MSRA: variants seen among roughly 807,000 people sequenced by gnomAD.
The protein encoded by MSRA is methionine sulfoxide reductase A, also known as mitochondrial peptide methionine sulfoxide reductase.
In MSRA, 54 loss-of-function variants were observed where a neutral mutation model predicts 31.3. The ratio of observed to expected loss-of-function variants is 1.73; its 90% CI spans 1.39 to 2.17. The LOEUF (loss-of-function observed/expected upper bound fraction) is 2.17. Ranked by LOEUF, MSRA falls within the 30% of genes most tolerant of loss-of-function variation. The pLI is 0.00. For missense variants in MSRA, 507 were observed against 300.9 expected, an observed-to-expected ratio of 1.69 and a Z score of -5.07; for synonymous variants, 169 against 116.5, an observed-to-expected ratio of 1.45 and a Z score of -2.90.
intron 5 of MSRA, among the ~76,000 whole-genome samples, chr8:10,335,241 C>A (rs1802959914): frequency 6.7e-6 from 1 of 148,944 alleles, no homozygotes; most frequent in African/African-American, 2.5e-5. Flanking sequence ...CTTAACACCT[C>A]CCAGCTCTGT....
intron 2 of MSRA, among the ~76,000 whole-genome samples, chr8:10,213,075 A>G (rs531782272): frequency 1.3e-5 from 2 of 152,306 alleles, no homozygotes; most frequent in African/African-American, 4.8e-5. Context: ...TAAATATACA[A>G]TTAAATTACT....
chr8:10,117,904 C>A (rs879278104), intron 1 of MSRA, among the ~76,000 whole-genome samples: 1 of 152,182 alleles, frequency 6.6e-6, no homozygotes, highest in Non-Finnish European at 1.5e-5. Flanking sequence ...TTGCCCAAAT[C>A]AACACAAATG....
intron 3 of MSRA, among the ~76,000 whole-genome samples, chr8:10,248,800 C>G (rs1797765702): frequency 1.3e-5 from 2 of 152,232 alleles, no homozygotes. Flanking sequence ...GTCTCCATTG[C>G]TTGGTGCCAC....
In MSRA at chr8:10,280,583, G is replaced by A. The variant is rs148987375; in HGVS notation, c.332-20951G>A. Among the ~76,000 whole-genome samples the A allele has an allele frequency of 1.5e-3, 229 of 152,266 alleles. 1 individual carries two copies. Among genetic ancestry groups the A allele is most frequent in the African/African-American group, 5.1e-3 (214 of 41,560 alleles). Reference sequence around the variant, plus strand: ...ACACTGCTGGTATGAAGGGAAAATCGTGTAGTCACTTTGGAAACCAGTGTG... The same window carrying A: ...ACACTGCTGGTATGAAGGGAAAATCATGTAGTCACTTTGGAAACCAGTGTG... On this transcript the variant is annotated intron_variant, in intron 3 of 5. Coordinates refer to ENST00000317173, the MANE Select transcript of MSRA (RefSeq NM_012331.5).
intron 5 of MSRA, among the ~76,000 whole-genome samples, chr8:10,390,813 A>C (rs1806694904): frequency 6.6e-6 from 1 of 152,082 alleles, no homozygotes; most frequent in South Asian, 2.1e-4. Context: ...GTCTCTACTA[A>C]AAATAAAAAA....
At chr8:10,218,681 C>G (rs1485008383) in intron 2 of MSRA, among the ~76,000 whole-genome samples, 6 of 152,224 alleles carry the variant, frequency 3.9e-5, no homozygotes, top group African/African-American at 1.2e-4. Flanking sequence ...CTCCATGTAT[C>G]TGAGCATGGC....
At chr8:10,161,871 C>T (rs960967273) in intron 1 of MSRA, among the ~76,000 whole-genome samples, 3 of 152,252 alleles carry the variant, frequency 2.0e-5, no homozygotes, top group East Asian at 1.9e-4. Context: ...CCCCATCTCT[C>T]CCCGCCTCTG....
At chr8:10,132,542 C>T (rs552622321) in intron 1 of MSRA, among the ~76,000 whole-genome samples, 1 of 152,278 alleles carries the variant, frequency 6.6e-6, no homozygotes, top group South Asian at 2.1e-4. Context: ...GATCAAGGCA[C>T]TGGCAGATTT....
At chr8:10,375,173 A>G (rs1049585779) in intron 5 of MSRA, among the ~76,000 whole-genome samples, 1 of 152,142 alleles carries the variant, frequency 6.6e-6, no homozygotes, top group African/African-American at 2.4e-5. Flanking sequence ...ACAGCCACAA[A>G]TCTGCTCCCC....
At chr8:10,173,544 C>G (rs1000291057) in intron 1 of MSRA, among the ~76,000 whole-genome samples, 1 of 152,190 alleles carries the variant, frequency 6.6e-6, no homozygotes, top group African/African-American at 2.4e-5. Flanking sequence ...TAGGCATTGC[C>G]CATAAATCGA....
At chr8:10,330,583 G>T (rs1352057567) in intron 5 of MSRA, among the ~76,000 whole-genome samples, 1 of 152,164 alleles carries the variant, frequency 6.6e-6, no homozygotes, top group African/African-American at 2.4e-5. Flanking sequence ...AGCTATCTGA[G>T]GCAAAGTCTT....
intron 2 of MSRA, among the ~76,000 whole-genome samples, chr8:10,229,271 C>A (rs931021316): frequency 9.2e-5 from 14 of 152,058 alleles, no homozygotes; most frequent in African/African-American, 3.1e-4. Context: ...TATATGAAGA[C>A]GCATTAAGCT....
chr8:10,124,255 A>G (rs937012667), intron 1 of MSRA, among the ~76,000 whole-genome samples: 2 of 152,228 alleles, frequency 1.3e-5, no homozygotes, highest in Non-Finnish European at 2.9e-5. Flanking sequence ...CCATTGATAA[A>G]TATGGTGACA....
intron 1 of MSRA, among the ~76,000 whole-genome samples, 193 bp from the exon 2 acceptor site, chr8:10,207,640 C>T (rs1809114589): frequency 6.6e-6 from 1 of 152,142 alleles, no homozygotes; most frequent in African/African-American, 2.4e-5. Flanking sequence ...AATGACATAC[C>T]TGAACTAGAT....
At chr8:10,344,978 G>T (rs1341708935) in intron 5 of MSRA, among the ~76,000 whole-genome samples, 4 of 152,188 alleles carry the variant, frequency 2.6e-5, no homozygotes, top group Non-Finnish European at 5.9e-5. Flanking sequence ...TCATGGGACA[G>T]CATTCGGTTT....
At chr8:10,160,577 T>C (rs1371148757) in intron 1 of MSRA, among the ~76,000 whole-genome samples, 1 of 152,150 alleles carries the variant, frequency 6.6e-6, no homozygotes, top group Non-Finnish European at 1.5e-5. Context: ...TTTTTCCGTT[T>C]CATGAATTTA....
At chr8:10,323,028 T>A (rs1802139510) in intron 5 of MSRA, among the ~76,000 whole-genome samples, 1 of 147,042 alleles carries the variant, frequency 6.8e-6, no homozygotes, top group Non-Finnish European at 1.5e-5. Context: ...AAGCAAAGGT[T>A]GCACTGAGCT....
intron 1 of MSRA, among the ~76,000 whole-genome samples, chr8:10,116,964 G>C (rs966246763): frequency 1.3e-5 from 2 of 152,188 alleles, no homozygotes; most frequent in Non-Finnish European, 2.9e-5. Context: ...GAAACTCCAA[G>C]ATGGAGTTTT....
intron 1 of MSRA, among the ~76,000 whole-genome samples, chr8:10,117,556 C>T (rs1800776133): frequency 6.6e-6 from 1 of 152,080 alleles, no homozygotes; most frequent in Non-Finnish European, 1.5e-5. Flanking sequence ...AGAATGAATC[C>T]TAGCTGTTGG....
Sources: allele counts gnomAD v4.1 joint callset (sites outside exome capture counted in the v4.1 genomes callset), GRCh38; gene constraint gnomAD v4.1.1; transcripts MANE v1.5; gene names NCBI Gene and HGNC (gene_info 2026-07-23, HGNC 2026-07-21).